TRIM71: variants seen among roughly 807,000 people sequenced by gnomAD.
TRIM71 encodes the protein E3 ubiquitin-protein ligase TRIM71.
A neutral mutation model predicts 61.2 loss-of-function variants in TRIM71; 9 were observed. That is an observed-to-expected ratio of 0.15 (90% CI 0.09 to 0.26). The LOEUF (loss-of-function observed/expected upper bound fraction) is 0.26, where lower values mean the gene tolerates loss of function less well. TRIM71 is among the 10% of genes least tolerant of loss of function. The probability of loss-of-function intolerance (pLI) is 1.00; values close to 1 mark genes in which losing one functional copy is unlikely to be tolerated. For missense variants in TRIM71, 998 were observed against 1,238.7 expected (o/e 0.81, Z 2.92); for synonymous variants, 645 against 553.2 (o/e 1.17, Z -2.33).
Position 32,857,660 on chromosome 3 carries a change from G to GA in TRIM71, c.853-16151dup, listed in dbSNP as rs370869709. 4.4e-3 allele frequency among the ~76,000 whole-genome samples: 663 copies of GA among 152,224 alleles called. 2 individuals are homozygous for GA. The highest frequency in any genetic ancestry group is 7.7e-3 in the Non-Finnish European group (524 of 67,996). On this transcript the variant is annotated intron_variant, in intron 1 of 3. Coordinates refer to ENST00000383763, the MANE Select transcript of TRIM71 (RefSeq NM_001039111.3). Reference sequence around the variant, plus strand: ...CTATATTCTTCAATAAAGTAAGATAGAAAAAAATGTTACTAAGAAAATAAT... The same window carrying GA: ...CTATATTCTTCAATAAAGTAAGATAGAAAAAAAATGTTACTAAGAAAATAAT...
At chr3:32,869,888 C>T (rs1444956128) in intron 1 of TRIM71, among the ~76,000 whole-genome samples, 2 of 152,154 alleles carry the variant, frequency 1.3e-5, no homozygotes, top group Non-Finnish European at 1.5e-5. Context: ...CCCGAGGGGG[C>T]GTGTCTGTGC....
In TRIM71 at chr3:32,833,184, T is replaced by TAAAAAAAAAAAAAAAAA. The variant is rs1182178339; in HGVS notation, c.852+14264_852+14280dup. 9.6e-4 allele frequency among the ~76,000 whole-genome samples: 52 copies of TAAAAAAAAAAAAAAAAA among 54,426 alleles called. 1 individual carries two copies. The highest frequency in any genetic ancestry group is 3.2e-3 in the South Asian group (3 of 938). 35.7% of individuals were successfully genotyped at this position (54,426 alleles called of 152,430 possible). ...GGTGACAAGAATGAAACTCTGTCTT[T>TAAAAAAAAAAAAAAAAA]AAAAAAAAAAAAAAAAAAAAAAAAA... On this transcript the variant is annotated intron_variant, in intron 1 of 3. Transcript: ENST00000383763.
intron 1 of TRIM71, among the ~76,000 whole-genome samples, chr3:32,858,608 T>G (rs1410448012): frequency 6.6e-6 from 1 of 152,166 alleles, no homozygotes; most frequent in Non-Finnish European, 1.5e-5. Context: ...TGGCCACCTC[T>G]TCTTGGGGAA....
chr3:32,875,222 T>G (rs1328756264), intron 2 of TRIM71, among the ~76,000 whole-genome samples: 1 of 152,232 alleles, frequency 6.6e-6, no homozygotes, highest in Non-Finnish European at 1.5e-5. Flanking sequence ...CTTCAGTCCT[T>G]TCCTGGATGG....
At chr3:32,825,597 C>T (rs572045175) in intron 1 of TRIM71, among the ~76,000 whole-genome samples, 1 of 152,248 alleles carries the variant, frequency 6.6e-6, no homozygotes, top group Non-Finnish European at 1.5e-5. Context: ...CAAAATACTG[C>T]TTCCCCCCTT....
At position 32,891,110 on chromosome 3, in the gene TRIM71, T is replaced by C. The variant is rs2125693638; in HGVS notation, c.1906T>C (p.Cys636Arg). 6.2e-7 allele frequency: 1 copy of C among 1,611,736 alleles called. No individual in the cohort carries two copies. Among genetic ancestry groups the C allele is most frequent in the Non-Finnish European group, 8.5e-7 (1 of 1,179,996 alleles). Residue 636 changes from cysteine to arginine, a missense_variant, in exon 4 of 4, where the codon TGC becomes CGC. Physicochemically the swap from Cys to Arg is radical, Grantham distance 180. Around this residue, in one of 5 missense-constraint regions of TRIM71, gnomAD observed 83 missense variants for 202.7 expected, o/e 0.41. Transcript: ENST00000383763. The surrounding 1 kb of genome is among the most constrained non-coding windows in gnomAD (Gnocchi z 8.2). ...CAACCGCATCCAGGTGTTCAAGCCC[T>C]GCGGCGCCTTCCACCACAAATTCGG... ...SNNRIQVFKP[C>R]GAFHHKFGTL...
chr3:32,821,056 C>G (rs896837119), intron 1 of TRIM71, among the ~76,000 whole-genome samples: 6 of 152,168 alleles, frequency 3.9e-5, no homozygotes, highest in South Asian at 2.1e-4. Flanking sequence ...TTAGGAGAGA[C>G]AGCACTAACA....
intron 1 of TRIM71, among the ~76,000 whole-genome samples, chr3:32,852,755 C>CT (rs1023683146): frequency 1.4e-4 from 11 of 81,284 alleles, no homozygotes; most frequent in African/African-American, 6.3e-4. Flanking sequence ...TGTATACTGT[C>CT]TTTTAAAAAA....
At chr3:32,874,647 C>T (rs552441639) in intron 2 of TRIM71, among the ~76,000 whole-genome samples, 46 of 152,062 alleles carry the variant, frequency 3.0e-4, no homozygotes, top group African/African-American at 1.1e-3. Context: ...CTCAGCCTCC[C>T]GAGTAGCTGG....
At chr3:32,868,481 C>T (rs1696762443) in intron 1 of TRIM71, among the ~76,000 whole-genome samples, 1 of 152,200 alleles carries the variant, frequency 6.6e-6, no homozygotes, top group Admixed American at 6.5e-5. Flanking sequence ...AGCCTATACT[C>T]ATTAAGTTGT....
At position 32,891,877 on chromosome 3, in the gene TRIM71, T is replaced by C; in HGVS notation, c.*66T>C. 6.6e-7 allele frequency: 1 copy of C among 1,513,790 alleles called. No homozygotes were observed. Among genetic ancestry groups the C allele is most frequent in the Non-Finnish European group, 8.8e-7 (1 of 1,132,554 alleles). The allele number at this position is 1,513,790 out of a possible 1,614,324, so 93.8% of individuals were successfully genotyped here. A position where few individuals can be genotyped will look rare whatever the true frequency, so the allele number is the denominator to read the frequency against. On this transcript the variant is annotated 3_prime_UTR_variant, in exon 4 of 4. Coordinates refer to ENST00000383763, the MANE Select transcript of TRIM71 (RefSeq NM_001039111.3). The surrounding 1 kb of genome is among the most constrained non-coding windows in gnomAD (Gnocchi z 8.2). Reference sequence around the variant, plus strand: ...GTCTCTCTCTCTCTCTCTCTCTTTCTCTTTCTCTCTCTTTTTGAATTTCAA... The same window carrying C: ...GTCTCTCTCTCTCTCTCTCTCTTTCCCTTTCTCTCTCTTTTTGAATTTCAA...
chr3:32,866,056 C>T (rs1394306045), intron 1 of TRIM71, among the ~76,000 whole-genome samples: 2 of 151,506 alleles, frequency 1.3e-5, no homozygotes, highest in African/African-American at 4.9e-5. Flanking sequence ...AAACTCCTGA[C>T]CTCCAGTGAT....
intron 1 of TRIM71, among the ~76,000 whole-genome samples, chr3:32,858,286 G>C (rs1313836249): frequency 2.6e-5 from 4 of 152,234 alleles, no homozygotes; most frequent in Non-Finnish European, 4.4e-5. Context: ...AAGGGGTTCT[G>C]TTAACAGTTA....
chr3:32,873,809 T>C lies in TRIM71; in HGVS notation c.853-9T>C, dbSNP rs750906211. 3 of 1,553,730 alleles carry C rather than the reference T, an allele frequency of 1.9e-6. No individual in the cohort carries two copies. In the Admixed American group the frequency reaches 5.3e-5, roughly 28 times the overall value. On this transcript the variant is annotated splice_polypyrimidine_tract_variant and intron_variant, in intron 1 of 3. Coordinates refer to ENST00000383763, the MANE Select transcript of TRIM71 (RefSeq NM_001039111.3). ...CTCCATTTATGCCTGTACCCTCTCT[T>C]GTCCCCAGGTGCTGCACCTGTACTG...
chr3:32,826,273 C>G (rs749296545), intron 1 of TRIM71, among the ~76,000 whole-genome samples: 28 of 152,174 alleles, frequency 1.8e-4, no homozygotes, highest in Non-Finnish European at 2.9e-4. Flanking sequence ...AGCCTACCAA[C>G]ATGGTGAAAC....
At chr3:32,841,286 G>A (rs1473251714) in intron 1 of TRIM71, among the ~76,000 whole-genome samples, 1 of 151,950 alleles carries the variant, frequency 6.6e-6, no homozygotes, top group African/African-American at 2.4e-5. Context: ...CCAGGCACAG[G>A]GGAAATGTGT....
At chr3:32,874,157 G>A (rs1473796903) in intron 2 of TRIM71, among the ~76,000 whole-genome samples, 172 bp downstream of exon 2, 4 of 152,052 alleles carry the variant, frequency 2.6e-5, no homozygotes, top group Admixed American at 2.6e-4. Flanking sequence ...TGGCAGTCTC[G>A]TGAAGATGTC....
intron 2 of TRIM71, among the ~76,000 whole-genome samples, chr3:32,883,948 G>C (rs895080283): frequency 6.6e-6 from 1 of 152,178 alleles, no homozygotes; most frequent in Non-Finnish European, 1.5e-5. Context: ...ACTGGGTTTG[G>C]AAATTTAGGG....
chr3:32,878,090 C>T (rs1287585099), intron 2 of TRIM71, among the ~76,000 whole-genome samples: 2 of 152,166 alleles, frequency 1.3e-5, no homozygotes, highest in African/African-American at 4.8e-5. Flanking sequence ...GTAGCTATCG[C>T]CTTACGAAGT....
Sources: gnomAD v4.1 joint callset for allele counts (sites outside exome capture counted in the v4.1 genomes callset) on GRCh38, gnomAD v4.1.1 for gene constraint, gnomAD v4.1.1 regional missense constraint, Gnocchi (gnomAD v3.1) non-coding constraint, MANE v1.5 for transcripts, NCBI Gene and HGNC (gene_info 2026-07-23, HGNC 2026-07-21) for gene names.